The following TRUB2 variants were observed in gnomAD, a reference collection of about 807,000 sequenced individuals.
TRUB2 encodes the protein pseudouridylate synthase TRUB2, mitochondrial.
In TRUB2, 31 loss-of-function variants were observed where a neutral mutation model predicts 31.9. The ratio of observed to expected loss-of-function variants is 0.97; its 90% CI spans 0.73 to 1.31. TRUB2 has a LOEUF of 1.31. TRUB2 is among the 50% of genes most tolerant of loss of function. TRUB2 has a pLI of 0.00. For missense variants in TRUB2, 451 were observed against 439.6 expected (o/e 1.03, Z -0.23); for synonymous variants, 201 against 182.6 (o/e 1.10, Z -0.81).
At chr9:128,313,684 A>G in intron 5 of TRUB2, 124 bp downstream of exon 5, 1 of 838,684 alleles carries the variant, frequency 1.2e-6, no homozygotes, top group East Asian at 2.5e-5. Flanking sequence ...CCGTGGCCAA[A>G]GCCTCAGCCC....
At position 128,309,000 on chromosome 9, in the gene TRUB2, A is replaced by G. The variant is rs1330153887; in HGVS notation, c.*550T>C. 6.5e-6 allele frequency: 1 copy of G among 152,984 alleles called. No individual in the cohort carries two copies. 9.5% of individuals were successfully genotyped at this position (152,984 alleles called of 1,614,324 possible). On this transcript the variant is annotated 3_prime_UTR_variant, in exon 8 of 8. Transcript: ENST00000372890. ...GCCATTTGGATTTCTTCTGATACACACTTCATCTCATTTGCCTAATTTTGT... is the reference window on the plus strand; with the variant it reads ...GCCATTTGGATTTCTTCTGATACACGCTTCATCTCATTTGCCTAATTTTGT...
In TRUB2 at chr9:128,309,078, C is replaced by T. The variant is rs149273968; in HGVS notation, c.*472G>A. The T allele has an allele frequency of 8.4e-3, 1,362 of 162,076 alleles. 23 individuals are homozygous for T. Among genetic ancestry groups the T allele is most frequent in the South Asian group, 0.071 (433 of 6,060 alleles). 10.0% of individuals were successfully genotyped at this position (162,076 alleles called of 1,614,324 possible). ...CTCTCTGTATACTATGGATATTAGT[C>T]CTTGGTTAATGACACTGCAAATACT... is the stretch of plus-strand genomic sequence containing the variant. On this transcript the variant is annotated 3_prime_UTR_variant, in exon 8 of 8. Coordinates refer to ENST00000372890, the MANE Select transcript of TRUB2 (RefSeq NM_015679.3).
In TRUB2 at chr9:128,321,681, C is replaced by A; in HGVS notation, c.159G>T (p.Leu53Phe). ...PPAPKQRVRFLLGPMEGSEEK... is the reference protein window; with the variant it reads ...PPAPKQRVRFFLGPMEGSEEK... ...CTTCGCTGCCTTCCATGGGGCCCAG[C>A]AAGAAGCGAACACGCTGTTTAGGAG... The change falls in exon 2 of 8, where the codon TTG becomes TTT. Residue 53 changes from leucine to phenylalanine, a missense_variant. By Grantham distance (22) the Leu-to-Phe change is conservative. Coordinates refer to ENST00000372890, the MANE Select transcript of TRUB2 (RefSeq NM_015679.3). 6.2e-7 allele frequency: 1 copy of A among 1,613,928 alleles called. No individual in the cohort carries two copies. Among genetic ancestry groups the A allele is most frequent in the East Asian group, 2.2e-5 (1 of 44,884 alleles).
intron 2 of TRUB2, among the ~76,000 whole-genome samples, chr9:128,320,300 G>A (rs557150949): frequency 6.6e-6 from 1 of 151,578 alleles, no homozygotes; most frequent in Admixed American, 6.6e-5. Flanking sequence ...CTCCCGAGTA[G>A]CTGGAACTAC....
chr9:128,321,740 C>CA lies in TRUB2; in HGVS notation c.110-11dup, dbSNP rs754508063. On this transcript the variant is annotated splice_polypyrimidine_tract_variant and intron_variant, in intron 1 of 7. Coordinates refer to ENST00000372890, the MANE Select transcript of TRUB2 (RefSeq NM_015679.3). Reference sequence around the variant, plus strand: ...TTCCTGGCATTGAGACCTGAACACACAGAGATAATATATACACACATACAT... The same window carrying CA: ...TTCCTGGCATTGAGACCTGAACACACAAGAGATAATATATACACACATACAT... The CA allele has an allele frequency of 1.8e-5, 29 of 1,612,318 alleles. No homozygotes were observed. In the African/African-American group the frequency reaches 3.6e-4, roughly 20 times the overall value.
rs1416021614 is a variant in TRUB2 at position 128,308,594 on chromosome 9, C to A, written c.*956G>T. 6.6e-6 allele frequency: 1 copy of A among 151,978 alleles called. No individual in the cohort carries two copies. The highest frequency in any genetic ancestry group is 6.6e-5 in the Admixed American group (1 of 15,234). 9.4% of individuals were successfully genotyped at this position (151,978 alleles called of 1,614,324 possible). A position where few individuals can be genotyped will look rare whatever the true frequency, so the allele number is the denominator to read the frequency against. The stretch of plus-strand genomic sequence containing the variant: ...CAGTCAATGGGTAGACTTTGAGTCA[C>A]GCTGATTATCCACCACAATTGTGGG... On this transcript the variant is annotated 3_prime_UTR_variant, in exon 8 of 8. Coordinates refer to ENST00000372890, the MANE Select transcript of TRUB2 (RefSeq NM_015679.3).
Position 128,308,456 on chromosome 9 carries a change from C to A in TRUB2, c.*1094G>T, listed in dbSNP as rs1831903818. The A allele has an allele frequency of 6.6e-6, 1 of 151,980 alleles. No homozygotes were observed. The highest frequency in any genetic ancestry group is 2.1e-4 in the South Asian group (1 of 4,806). 9.4% of individuals were successfully genotyped at this position (151,980 alleles called of 1,614,324 possible). Reference sequence around the variant, plus strand: ...GGCTGAGGCAGGAGAATGGCGTGAACCTGGGAAGCGGAGGTTGCAGTGAGC... The same window carrying A: ...GGCTGAGGCAGGAGAATGGCGTGAAACTGGGAAGCGGAGGTTGCAGTGAGC... On this transcript the variant is annotated 3_prime_UTR_variant, in exon 8 of 8. Coordinates refer to ENST00000372890, the MANE Select transcript of TRUB2 (RefSeq NM_015679.3).
chr9:128,316,929 G>A (rs904973326), intron 3 of TRUB2: 1 of 537,720 alleles, frequency 1.9e-6, no homozygotes, highest in African/African-American at 1.9e-5. Flanking sequence ...ACTATGTCAT[G>A]TGTGGGAATC....
At position 128,313,858 on chromosome 9, in the gene TRUB2, G is replaced by A; in HGVS notation, c.410C>T (p.Ala137Val). Residue 137 changes from alanine (A) to valine (V), a missense_variant, in exon 5 of 8, where the codon GCT becomes GTT. Physicochemically the swap from Ala to Val is moderately conservative, Grantham distance 64 (BLOSUM62 0). Transcript: ENST00000372890. ...CCCGTCCTCACGGAAGTCATCTGTA[G>A]CTTTGCCCAGGAGGCCACGCACTGT... is the stretch of plus-strand genomic sequence containing the variant. Reference protein sequence around the residue: ...DYTVRGLLGKATDDFREDGRL... With the variant: ...DYTVRGLLGKVTDDFREDGRL... 2 of 1,614,222 alleles carry A rather than the reference G, an allele frequency of 1.2e-6. No individual in the cohort carries two copies. The highest frequency in any genetic ancestry group is 1.1e-5 in the South Asian group (1 of 91,080).
chr9:128,315,984 G>A lies in TRUB2; in HGVS notation c.317-356C>T, dbSNP rs115781934. The A allele has an allele frequency of 7.6e-4, 186 of 244,204 alleles. 3 individuals carry two copies. In the East Asian group the frequency reaches 0.014, roughly 18 times the overall value. The allele number at this position is 244,204 out of a possible 1,614,324, so 15.1% of individuals were successfully genotyped here. On this transcript the variant is annotated intron_variant, in intron 3 of 7. Coordinates refer to ENST00000372890, the MANE Select transcript of TRUB2 (RefSeq NM_015679.3). ...AGTATAATCTTTAGCCTCTTTGAGC[G>A]TCAAGTTCCCCATCAGTAAAATGGG...
intron 4 of TRUB2, among the ~76,000 whole-genome samples, 155 bp from the exon 5 acceptor site, chr9:128,314,044 G>T (rs1485534091): frequency 4.6e-5 from 7 of 152,172 alleles, no homozygotes; most frequent in African/African-American, 1.7e-4. Flanking sequence ...CAGGAGGAAG[G>T]GCACCAGCTC....
In TRUB2 at chr9:128,307,736, A is replaced by G. The variant is rs556816598; in HGVS notation, c.*1814T>C. On this transcript the variant is annotated 3_prime_UTR_variant, in exon 8 of 8. Coordinates refer to ENST00000372890, the MANE Select transcript of TRUB2 (RefSeq NM_015679.3). ...GACAGTGCGAGGCCCTGTCTCAAAA[A>G]TAAAATAAAATAAATAAATTAGCCA... is the stretch of plus-strand genomic sequence containing the variant. 1 of 127,124 alleles carries G rather than the reference A, an allele frequency of 7.9e-6. No homozygotes were observed. The highest frequency in any genetic ancestry group is 4.6e-5 in the African/African-American group (1 of 21,856). 7.9% of individuals were successfully genotyped at this position (127,124 alleles called of 1,614,324 possible).
chr9:128,322,224 G>A lies in TRUB2; in HGVS notation c.109+76C>T, dbSNP rs147400604. On this transcript the variant is annotated intron_variant, in intron 1 of 7. Coordinates refer to ENST00000372890, the MANE Select transcript of TRUB2 (RefSeq NM_015679.3). ...TGAATAGGTCACGTGATTTTGTTTT[G>A]GGGTAAGGACCAGAAGCGGAGATGG... The A allele has an allele frequency of 7.3e-5, 93 of 1,274,910 alleles. No individual in the cohort carries two copies. The African/African-American group carries it at 1.0e-3, about 14-fold the overall frequency. The allele number at this position is 1,274,910 out of a possible 1,614,324, so 79.0% of individuals were successfully genotyped here.
chr9:128,306,749 T>C lies in TRUB2; in HGVS notation c.*2801A>G, dbSNP rs1831873609. 6.6e-6 allele frequency: 1 copy of C among 151,618 alleles called. No homozygotes were observed. The highest frequency in any genetic ancestry group is 2.1e-4 in the South Asian group (1 of 4,822). The allele number at this position is 151,618 out of a possible 1,614,324, so 9.4% of individuals were successfully genotyped here. A position where few individuals can be genotyped will look rare whatever the true frequency, so the allele number is the denominator to read the frequency against. The stretch of plus-strand genomic sequence containing the variant: ...CCGTGCCCAGCCTTTTTTTTTTTCT[T>C]TTCTGAGACAGAGTCTCACTCTCTC... On this transcript the variant is annotated 3_prime_UTR_variant, in exon 8 of 8. Transcript: ENST00000372890.
Position 128,322,194 on chromosome 9 carries a change from C to T in TRUB2, c.109+106G>A, listed in dbSNP as rs764743343. 8 of 897,952 alleles carry T rather than the reference C, an allele frequency of 8.9e-6. No homozygotes were observed. The Admixed American group carries it at 1.3e-4, about 15-fold the overall frequency. 55.6% of individuals were successfully genotyped at this position (897,952 alleles called of 1,614,324 possible). A position where few individuals can be genotyped will look rare whatever the true frequency, so the allele number is the denominator to read the frequency against. On this transcript the variant is annotated intron_variant, in intron 1 of 7. Transcript: ENST00000372890. Reference sequence around the variant, plus strand: ...ACAGGCGTTTGGGAAAGCGCTCTGCCCAGGTGAATAGGTCACGTGATTTTG... The same window carrying T: ...ACAGGCGTTTGGGAAAGCGCTCTGCTCAGGTGAATAGGTCACGTGATTTTG...
rs145422156 is a variant in TRUB2 at position 128,316,746 on chromosome 9, G to A, written c.316+406C>T. On this transcript the variant is annotated intron_variant, in intron 3 of 7. Transcript: ENST00000372890. ...CCCTGGCCATTAGGTCCAGAGTCAC[G>A]CGCCTGGCTGCCCCATGATGCAATG... The A allele has an allele frequency of 1.4e-3, 245 of 176,944 alleles. 1 individual carries two copies. Among genetic ancestry groups the A allele is most frequent in the African/African-American group, 5.0e-3 (210 of 41,952 alleles). The allele number at this position is 176,944 out of a possible 1,614,324, so 11.0% of individuals were successfully genotyped here. A position where few individuals can be genotyped will look rare whatever the true frequency, so the allele number is the denominator to read the frequency against.
chr9:128,317,506 C>A (rs955225317), intron 2 of TRUB2, among the ~76,000 whole-genome samples: 1 of 152,190 alleles, frequency 6.6e-6, no homozygotes, highest in Non-Finnish European at 1.5e-5. Context: ...GTCAAGAGTG[C>A]GGGGTTCCCT....
At chr9:128,321,949 T>A (rs1832190902) in intron 1 of TRUB2, among the ~76,000 whole-genome samples, 1 of 152,138 alleles carries the variant, frequency 6.6e-6, no homozygotes, top group Non-Finnish European at 1.5e-5. Flanking sequence ...TGACCAGGAA[T>A]ATCTTGTTCT....
chr9:128,321,493 G>A (rs971286737), intron 2 of TRUB2, 106 bp downstream of exon 2: 2 of 1,573,902 alleles, frequency 1.3e-6, no homozygotes, highest in South Asian at 2.3e-5. Context: ...TCACTCCTCT[G>A]TGGACCTTCA....
Sources: gnomAD v4.1 joint callset for allele counts (sites outside exome capture counted in the v4.1 genomes callset) on GRCh38, gnomAD v4.1.1 for gene constraint, MANE v1.5 for transcripts, NCBI Gene and HGNC (gene_info 2026-07-23, HGNC 2026-07-21) for gene names.